The following PDXDC1 variants were observed in gnomAD, a reference collection of about 807,000 sequenced individuals.
The protein encoded by PDXDC1 is pyridoxal-dependent decarboxylase domain-containing protein 1.
In PDXDC1, 42 loss-of-function variants were observed where a neutral mutation model predicts 100.1. The observed-to-expected ratio is 0.42, with a 90% CI of 0.33 to 0.54. The LOEUF is 0.54. Among genes scored for constraint, PDXDC1 ranks in the 20% least tolerant of loss-of-function variants. The pLI is 0.10. For missense variants in PDXDC1, 636 were observed against 979.2 expected (o/e 0.65, Z 4.68); for synonymous variants, 260 against 371.7 (o/e 0.70, Z 3.46).
intron 2 of PDXDC1, 80 bp downstream of exon 2, chr16:14,997,906 G>A (rs1261415965): frequency 6.8e-7 from 1 of 1,461,924 alleles, no homozygotes; most frequent in African/African-American, 1.4e-5. Flanking sequence ...TCTGTTAAAG[G>A]TGCCTCTTGG....
Position 15,112,104 on chromosome 16 carries a change from T to C in PDXDC1, c.1400-26775T>C, listed in dbSNP as rs1429685662. ...GAATTCCCACCAAATTTCCATATTA[T>C]CACAGTATGCTTTTAATCTTCTCAG... On this transcript the variant is annotated intron_variant, in intron 16 of 16. Coordinates refer to the PDXDC1 transcript ENST00000535621. 1.4e-5 allele frequency among the ~76,000 whole-genome samples: 2 copies of C among 147,870 alleles called. 1 individual carries two copies. Among genetic ancestry groups the C allele is most frequent in the Non-Finnish European group, 3.0e-5 (2 of 65,832 alleles).
Position 15,127,554 on chromosome 16 carries a change from T to A in PDXDC1, c.1400-11325T>A, listed in dbSNP as rs927694820. 3.9e-6 allele frequency: 5 copies of A among 1,293,542 alleles called. No homozygotes were observed. In the African/African-American group the frequency reaches 6.0e-5, roughly 15 times the overall value. The allele number at this position is 1,293,542 out of a possible 1,614,324, so 80.1% of individuals were successfully genotyped here. ...CGCTGGACACCAGGCCAACAGCGAC[T>A]GTGTCGACGCTCAGCGGGCTCAGCC... On this transcript the variant is annotated intron_variant, in intron 16 of 16. Transcript: ENST00000535621.
intron 16 of PDXDC1, chr16:15,133,413 T>C (rs2048202641): frequency 9.4e-7 from 1 of 1,065,090 alleles, no homozygotes; most frequent in Non-Finnish European, 1.4e-6. Context: ...GGGAGGGTGA[T>C]GGCCAGAGAC....
Position 15,037,743 on chromosome 16 carries a change from T to C in PDXDC1, c.*1468T>C, listed in dbSNP as rs2043566550. 3.5e-6 allele frequency: 1 copy of C among 282,484 alleles called. No individual in the cohort carries two copies. The highest frequency in any genetic ancestry group is 6.5e-6 in the Non-Finnish European group (1 of 153,866). The allele number at this position is 282,484 out of a possible 1,614,324, so 17.5% of individuals were successfully genotyped here. ...AAAAGACTTACCCACGTACCTGAAA[T>C]AGCTGCCGATAGACCAGTGAGAGGT... On this transcript the variant is annotated 3_prime_UTR_variant, in exon 23 of 23. Transcript: ENST00000396410.
intron 16 of PDXDC1, chr16:15,134,111 C>T (rs1239508783): frequency 2.7e-6 from 4 of 1,475,048 alleles, no homozygotes; most frequent in Admixed American, 3.6e-5. Flanking sequence ...GCGCAACCCT[C>T]TGCCCTGTCA....
At chr16:15,040,408 C>A (rs931471825), downstream of PDXDC1, 6 of 258,278 alleles carry the variant, frequency 2.3e-5, no homozygotes, top group African/African-American at 4.4e-5. Context: ...GAACTGTGAT[C>A]GTTCTGTTTG....
At chr16:15,073,330 G>A (rs991114204) in intron 16 of PDXDC1, among the ~76,000 whole-genome samples, 9 of 152,134 alleles carry the variant, frequency 5.9e-5, no homozygotes, top group Admixed American at 1.3e-4. Context: ...ATGGTGGCAC[G>A]CCTGTGATCC....
intron 16 of PDXDC1, among the ~76,000 whole-genome samples, chr16:15,122,292 C>T (rs1397688086): frequency 1.3e-5 from 2 of 149,342 alleles, no homozygotes; most frequent in East Asian, 2.0e-4. Context: ...CTCACTGCAA[C>T]GTCCAGCTCC....
At chr16:15,130,533 C>G in intron 16 of PDXDC1, 1 of 1,323,108 alleles carries the variant, frequency 7.6e-7, no homozygotes. Context: ...CATACCCGGT[C>G]CAGTCCCCTC....
At chr16:15,032,645 C>G (rs972227379) in intron 17 of PDXDC1, 3 of 306,388 alleles carry the variant, frequency 9.8e-6, no homozygotes, top group African/African-American at 5.9e-5. Context: ...CCAAGTGAGA[C>G]CCTGCTTTAA....
intron 16 of PDXDC1, chr16:15,128,338 C>A (rs1161758969): frequency 6.2e-7 from 1 of 1,607,994 alleles, no homozygotes; most frequent in Non-Finnish European, 8.5e-7. Context: ...GTGCCGGTGG[C>A]CGCTCCGGCT....
At chr16:15,151,962 T>A in the PDXDC1 span, among the ~76,000 whole-genome samples, 1 of 87,894 alleles carries the variant, frequency 1.1e-5, no homozygotes, top group Non-Finnish European at 2.3e-5. Context: ...AACACATGGG[T>A]CAGGAGGGGA....
At chr16:14,976,905 G>A (rs1412510406) in intron 1 of PDXDC1, 1 of 152,318 alleles carries the variant, frequency 6.6e-6, no homozygotes, top group African/African-American at 2.4e-5. Context: ...TCCTAAGAAG[G>A]TGGGTGGGCT....
At chr16:15,092,458 G>C (rs752199928) in intron 16 of PDXDC1, 11 of 1,108,330 alleles carry the variant, frequency 9.9e-6, no homozygotes, top group Admixed American at 7.0e-5. Flanking sequence ...AACAGCAATA[G>C]TTGTATTCTG....
chr16:15,119,351 T>C (rs1253203914), intron 16 of PDXDC1: 1 of 291,756 alleles, frequency 3.4e-6, no homozygotes, highest in African/African-American at 2.2e-5. Flanking sequence ...AAAGTTGTCT[T>C]GAGCCACACA....
chr16:15,018,299 C>G (rs1282448994), intron 11 of PDXDC1, among the ~76,000 whole-genome samples: 1 of 152,224 alleles, frequency 6.6e-6, no homozygotes. Flanking sequence ...GTCCCAGCTA[C>G]TCATGAGGCT....
At chr16:15,136,600 G>A (rs1235382028) in intron 16 of PDXDC1, 1 of 1,216,220 alleles carries the variant, frequency 8.2e-7, no homozygotes, top group South Asian at 1.3e-5. Context: ...GCGCTGCACG[G>A]CGGGACTGTC....
chr16:15,090,569 C>G (rs2089716), intron 16 of PDXDC1, among the ~76,000 whole-genome samples: 1 of 152,166 alleles, frequency 6.6e-6, no homozygotes, highest in Non-Finnish European at 1.5e-5. Context: ...TGTGAATAGC[C>G]AGAGCAACAC....
At chr16:14,991,526 ATTTTT>A (rs1168644641) in intron 1 of PDXDC1, among the ~76,000 whole-genome samples, 202 of 136,432 alleles carry the variant, frequency 1.5e-3, no homozygotes, top group Middle Eastern at 0.011. Context: ...TATTTTGTCT[ATTTTT>A]TTTTTTTTTT....
Sources: gnomAD v4.1 joint callset for allele counts (sites outside exome capture counted in the v4.1 genomes callset) on GRCh38, gnomAD v4.1.1 for gene constraint, MANE v1.5 for transcripts, NCBI Gene and HGNC (gene_info 2026-07-23, HGNC 2026-07-21) for gene names.